The following DST variants were observed in gnomAD, a reference collection of about 807,000 sequenced individuals.
DST encodes the protein bullous pemphigoid antigen.
Under a neutral mutation model 875.2 loss-of-function variants are expected in DST, and 253 were observed. That is an observed-to-expected ratio of 0.29 (90% CI 0.26 to 0.32). The LOEUF (loss-of-function observed/expected upper bound fraction) is 0.32. Among genes scored for constraint, DST ranks in the 10% least tolerant of loss-of-function variants. DST has a pLI of 1.00. For synonymous variants in DST, 3,124 were observed against 3,197.1 expected (o/e 0.98, Z 0.77); for missense variants, 8,287 against 9,111.6 (o/e 0.91, Z 3.68).
chr6:56,458,978 G>C lies in DST; in HGVS notation c.*27C>G. On this transcript the variant is annotated 3_prime_UTR_variant, in exon 104 of 104. Transcript: ENST00000680361. ...TCAAACTTAAATAATAAATGCTCAA[G>C]GAAGGGCCTTGGTAGAACCAATTGC... 1 of 1,529,652 alleles carries C rather than the reference G, an allele frequency of 6.5e-7. No individual in the cohort carries two copies. The highest frequency in any genetic ancestry group is 1.3e-5 in the South Asian group (1 of 74,846). 94.8% of individuals were successfully genotyped at this position (1,529,652 alleles called of 1,614,324 possible).
intron 82 of DST, among the ~76,000 whole-genome samples, chr6:56,495,901 T>C (rs73749935): frequency 0.035 from 5,344 of 152,222 alleles, 115 homozygotes; most frequent in Non-Finnish European, 0.043. Flanking sequence ...AACATCTACA[T>C]GATGGTTACG....
chr6:56,705,626 T>C (rs2099330114), intron 5 of DST, among the ~76,000 whole-genome samples: 1 of 152,240 alleles, frequency 6.6e-6, no homozygotes, highest in Non-Finnish European at 1.5e-5. Flanking sequence ...GAAGTTCCCT[T>C]AGGAATTTCT....
chr6:56,687,981 T>C (rs2099199958), intron 9 of DST, among the ~76,000 whole-genome samples: 6 of 152,174 alleles, frequency 3.9e-5, no homozygotes, highest in Admixed American at 3.3e-4. Flanking sequence ...AAATTATCAT[T>C]TACTTATACA....
chr6:56,866,231 C>A (rs1774017358), intron 3 of DST, among the ~76,000 whole-genome samples: 3 of 152,190 alleles, frequency 2.0e-5, no homozygotes, highest in Non-Finnish European at 4.4e-5. Context: ...CACCTGACTG[C>A]AGATGATCCA....
At chr6:56,827,944 C>A (rs1386368134) in intron 4 of DST, among the ~76,000 whole-genome samples, 1 of 152,190 alleles carries the variant, frequency 6.6e-6, no homozygotes, top group African/African-American at 2.4e-5. Flanking sequence ...CCCACCCCCA[C>A]ACACATACAC....
chr6:56,831,155 T>C (rs1314449174), intron 4 of DST, among the ~76,000 whole-genome samples: 1 of 152,198 alleles, frequency 6.6e-6, no homozygotes. Flanking sequence ...TCCTACACCA[T>C]ATTAAGAGTG....
At chr6:56,897,305 T>TTGGG (rs1491555613) in intron 3 of DST, among the ~76,000 whole-genome samples, 1 of 137,154 alleles carries the variant, frequency 7.3e-6, no homozygotes, top group African/African-American at 2.8e-5. Context: ...GGTTTTTTTT[T>TTGGG]GGGGGGGGGG....
intron 49 of DST, among the ~76,000 whole-genome samples, chr6:56,588,292 T>G (rs2098201932): frequency 6.6e-6 from 1 of 152,202 alleles, no homozygotes; most frequent in Non-Finnish European, 1.5e-5. Context: ...TCTTAGCTAT[T>G]TATTCATGCT....
chr6:56,562,186 T>C lies in DST; in HGVS notation c.14020A>G (p.Asn4674Asp). The C allele has an allele frequency of 6.4e-7, 1 of 1,550,978 alleles. No individual in the cohort carries two copies. Among genetic ancestry groups the C allele is most frequent in the Non-Finnish European group, 8.7e-7 (1 of 1,146,992 alleles). The change falls in exon 56 of 104, where the codon AAT (asparagine) becomes GAT (aspartate). Residue 4674 changes from asparagine to aspartate, a missense_variant. This residue lies in a region of DST where 1,513 missense variants were observed against 1,677.8 expected (regional missense o/e 0.90). Coordinates refer to ENST00000680361, the MANE Select transcript of DST (RefSeq NM_001374736.1). ...GTATTTGTGGCTGTTCCTTCACCAT[T>C]TAATACTGCTCCACCTGCAAAAATA... ...AAVKSGGAVL[N>D]GEGTATNTEE...
chr6:56,718,462 G>A (rs1427987597), intron 5 of DST, among the ~76,000 whole-genome samples: 1 of 152,216 alleles, frequency 6.6e-6, no homozygotes, highest in African/African-American at 2.4e-5. Context: ...CTAGTGGAAA[G>A]GTGAAATGAT....
intron 3 of DST, among the ~76,000 whole-genome samples, chr6:56,855,638 A>C (rs1767511291): frequency 6.6e-6 from 1 of 152,180 alleles, no homozygotes; most frequent in African/African-American, 2.4e-5. Context: ...AGACCTTACA[A>C]ATTTTTATTT....
intron 4 of DST, among the ~76,000 whole-genome samples, chr6:56,748,118 G>T (rs2099577759): frequency 6.6e-6 from 1 of 151,996 alleles, no homozygotes. Flanking sequence ...AGCCTACCTG[G>T]ACAACATATA....
At position 56,501,511 on chromosome 6, in the gene DST, G is replaced by C; in HGVS notation, c.19740+9C>G. On this transcript the variant is annotated intron_variant, in intron 79 of 103. Coordinates refer to ENST00000680361, the MANE Select transcript of DST (RefSeq NM_001374736.1). ...TTTATAATTTCTTAAGAAAAGTCTT[G>C]GTATTTACCTGTCTGTTGATGATTC... The C allele has an allele frequency of 6.7e-7, 1 of 1,493,174 alleles. No homozygotes were observed. 92.5% of individuals were successfully genotyped at this position (1,493,174 alleles called of 1,614,324 possible).
intron 86 of DST, among the ~76,000 whole-genome samples, chr6:56,488,792 CA>C (rs200393375): frequency 0.034 from 3,822 of 113,050 alleles, 73 homozygotes; most frequent in Non-Finnish European, 0.05. Flanking sequence ...CTGGTGGGGT[CA>C]ACTTTATAAA....
chr6:56,734,487 C>G (rs964035902), intron 5 of DST, among the ~76,000 whole-genome samples: 1 of 152,124 alleles, frequency 6.6e-6, no homozygotes, highest in Admixed American at 6.5e-5. Context: ...GAAACATGAC[C>G]TATTTCAACT....
At chr6:56,492,184 G>T in intron 85 of DST, 43 bp downstream of exon 85, 1 of 1,505,014 alleles carries the variant, frequency 6.6e-7, no homozygotes, top group Non-Finnish European at 9.2e-7. Flanking sequence ...AGCAAGAAGT[G>T]GTTTATTGAC....
At chr6:56,517,420 G>T in intron 70 of DST, 81 bp downstream of exon 70, 1 of 1,595,676 alleles carries the variant, frequency 6.3e-7, no homozygotes, top group Non-Finnish European at 8.5e-7. Flanking sequence ...GTCTTAAAAA[G>T]TAAATCATAC....
At chr6:56,595,007 C>CA (rs1386633868) in intron 47 of DST, among the ~76,000 whole-genome samples, 1 of 152,184 alleles carries the variant, frequency 6.6e-6, no homozygotes, top group Non-Finnish European at 1.5e-5. Context: ...AGCAGGGAGG[C>CA]ATCAGGTAGG....
At position 56,606,673 on chromosome 6, in the gene DST, G is replaced by C; in HGVS notation, c.7955C>G (p.Ala2652Gly). 6.2e-7 allele frequency: 1 copy of C among 1,613,570 alleles called. No homozygotes were observed. Among genetic ancestry groups the C allele is most frequent in the Non-Finnish European group, 8.5e-7 (1 of 1,179,642 alleles). The change falls in exon 40 of 104, where the codon GCT (alanine) becomes GGT (glycine). Residue 2652 changes from alanine to glycine, a missense_variant. Physicochemically the swap from Ala to Gly is moderately conservative, Grantham distance 60. Transcript: ENST00000680361. The part of the protein sequence containing the change: ...DTLQEENDET[A>G]SPADVFYDVS... ...ATCATAAAAAACATCAGCAGGAGAA[G>C]CCGTCTCATCATTTTCCTCTTGCAG...
Sources: allele counts gnomAD v4.1 joint callset (sites outside exome capture counted in the v4.1 genomes callset), GRCh38; gene constraint gnomAD v4.1.1; regional missense constraint gnomAD v4.1.1; transcripts MANE v1.5; gene names NCBI Gene and HGNC (gene_info 2026-07-23, HGNC 2026-07-21).